CSMD1: variants seen among roughly 807,000 people sequenced by gnomAD.
The protein encoded by CSMD1 is CUB and Sushi multiple domains 1, also known as CUB and sushi domain-containing protein 1.
CSMD1 carries 213 observed loss-of-function variants against 417.5 expected under a neutral mutation model. That is an observed-to-expected ratio of 0.51 (90% CI 0.46 to 0.57). CSMD1 has a LOEUF of 0.57. CSMD1 is among the 20% of genes least tolerant of loss of function. The pLI, the probability that CSMD1 is intolerant of heterozygous loss-of-function variation, is 0.00. For synonymous variants in CSMD1, 2,862 were observed against 1,736.8 expected, an observed-to-expected ratio of 1.65 and a Z score of -16.11; for missense variants, 6,923 against 4,529.7, an observed-to-expected ratio of 1.53 and a Z score of -15.17.
intron 6 of CSMD1, among the ~76,000 whole-genome samples, chr8:3,732,246 G>T (rs972768554): frequency 6.6e-6 from 1 of 152,158 alleles, no homozygotes; most frequent in African/African-American, 2.4e-5. Context: ...CACCCTGCAG[G>T]GCAATTACTC....
At chr8:3,332,000 A>G (rs1208282207) in intron 23 of CSMD1, among the ~76,000 whole-genome samples, 1 of 152,234 alleles carries the variant, frequency 6.6e-6, no homozygotes, top group African/African-American at 2.4e-5. Context: ...CTCGTCAATC[A>G]GTAGATACAT....
At chr8:4,149,230 C>A (rs1002391237) in intron 3 of CSMD1, among the ~76,000 whole-genome samples, 3 of 152,128 alleles carry the variant, frequency 2.0e-5, no homozygotes, top group Non-Finnish European at 4.4e-5. Flanking sequence ...TCCCAAACTG[C>A]TGAGATAACA....
chr8:4,327,309 C>G (rs1875895), intron 3 of CSMD1, among the ~76,000 whole-genome samples: 3,418 of 152,214 alleles, frequency 0.022, 118 homozygotes, highest in African/African-American at 0.076. Flanking sequence ...TCTCTTCCTT[C>G]TTTTCAAGAG....
At chr8:3,307,386 A>G (rs1175110762) in intron 25 of CSMD1, among the ~76,000 whole-genome samples, 1 of 147,848 alleles carries the variant, frequency 6.8e-6, no homozygotes, top group African/African-American at 2.5e-5. Flanking sequence ...CGCAGATCAG[A>G]ACAGCCCAGG....
chr8:4,179,242 G>A (rs983134550), intron 3 of CSMD1, among the ~76,000 whole-genome samples: 4 of 152,026 alleles, frequency 2.6e-5, no homozygotes, highest in African/African-American at 7.3e-5. Context: ...ATAAATCAAT[G>A]GAACAGAACA....
intron 1 of CSMD1, among the ~76,000 whole-genome samples, chr8:4,790,432 T>C (rs557692094): frequency 6.6e-6 from 1 of 152,164 alleles, no homozygotes; most frequent in African/African-American, 2.4e-5. Flanking sequence ...TTCAAAACTA[T>C]TCCTTTCAAA....
At position 3,343,409 on chromosome 8, in the gene CSMD1, C is replaced by T. The variant is rs762988793; in HGVS notation, c.3516G>A (p.Thr1172=). The change falls in exon 23 of 70, where the codon ACG becomes ACA. Residue 1172 remains threonine (T), a synonymous_variant. Transcript: ENST00000635120. The stretch of plus-strand genomic sequence containing the variant: ...GCCCCAGAAGTTCATTTTTAGTGAA[C>T]GTGCCCAGTGGACGTGAGGAACTGT... ...GKDSSSRPLG[T]FTKNELLGLI... 5.0e-6 allele frequency: 8 copies of T among 1,613,768 alleles called. No individual in the cohort carries two copies. Among genetic ancestry groups the T allele is most frequent in the South Asian group, 2.2e-5 (2 of 91,078 alleles).
At chr8:4,859,629 C>T (rs1802010048) in intron 1 of CSMD1, among the ~76,000 whole-genome samples, 1 of 152,108 alleles carries the variant, frequency 6.6e-6, no homozygotes, top group African/African-American at 2.4e-5. Flanking sequence ...CAAAAGAAGA[C>T]GTTTATACAG....
intron 3 of CSMD1, among the ~76,000 whole-genome samples, chr8:4,063,615 T>A (rs13276030): frequency 0.15 from 22,938 of 152,174 alleles, 2,237 homozygotes; most frequent in East Asian, 0.35. Context: ...CGTTTCCAGT[T>A]CAGCGGCTTC....
intron 5 of CSMD1, among the ~76,000 whole-genome samples, chr8:3,931,581 G>A (rs1233038449): frequency 6.7e-6 from 1 of 149,982 alleles, no homozygotes; most frequent in Non-Finnish European, 1.5e-5. Flanking sequence ...AGCAGTCAGT[G>A]CCATGAATTG....
chr8:4,014,868 G>A (rs552860559), intron 4 of CSMD1, among the ~76,000 whole-genome samples: 1 of 152,092 alleles, frequency 6.6e-6, no homozygotes, highest in Non-Finnish European at 1.5e-5. Flanking sequence ...ATACTACAAA[G>A]TAACCCACAA....
chr8:3,430,706 C>A (rs537658588), intron 12 of CSMD1, among the ~76,000 whole-genome samples: 1 of 152,044 alleles, frequency 6.6e-6, no homozygotes, highest in Admixed American at 6.5e-5. Flanking sequence ...ACTCAGGAGG[C>A]TGAGGCAAGA....
chr8:4,157,332 G>A (rs1231768812), intron 3 of CSMD1, among the ~76,000 whole-genome samples: 4 of 152,200 alleles, frequency 2.6e-5, no homozygotes, highest in African/African-American at 4.8e-5. Flanking sequence ...GGTGGGCAGA[G>A]CCCAAGATAT....
intron 5 of CSMD1, among the ~76,000 whole-genome samples, chr8:3,821,129 G>T (rs60346878): frequency 6.6e-6 from 1 of 151,956 alleles, no homozygotes; most frequent in Non-Finnish European, 1.5e-5. Context: ...TGTAAGCCAG[G>T]CTGGTCTCGA....
intron 1 of CSMD1, among the ~76,000 whole-genome samples, chr8:4,762,684 C>A (rs1249374187): frequency 6.6e-6 from 1 of 152,086 alleles, no homozygotes; most frequent in Non-Finnish European, 1.5e-5. Flanking sequence ...TCAATAAGGT[C>A]ATTATTCAGG....
intron 5 of CSMD1, among the ~76,000 whole-genome samples, chr8:3,836,958 A>C (rs751610490): frequency 6.6e-6 from 1 of 152,054 alleles, no homozygotes; most frequent in Non-Finnish European, 1.5e-5. Flanking sequence ...AAAAATAAAA[A>C]GTTTTATAAA....
At chr8:4,030,860 C>A (rs1797306952) in intron 4 of CSMD1, among the ~76,000 whole-genome samples, 1 of 152,184 alleles carries the variant, frequency 6.6e-6, no homozygotes, top group Admixed American at 6.5e-5. Flanking sequence ...GAAATTTATT[C>A]CTCCAGATAC....
chr8:4,305,969 C>T (rs760332210), intron 3 of CSMD1, among the ~76,000 whole-genome samples: 1 of 152,126 alleles, frequency 6.6e-6, no homozygotes, highest in East Asian at 1.9e-4. Context: ...CATACTGATA[C>T]ATAGTGTGCC....
intron 3 of CSMD1, among the ~76,000 whole-genome samples, chr8:4,253,138 T>C (rs192873538): frequency 3.2e-4 from 48 of 152,320 alleles, no homozygotes; most frequent in African/African-American, 1.1e-3. Context: ...TGAATGAGTA[T>C]TTTCTAAAAC....
Sources: gnomAD v4.1 joint callset for allele counts (sites outside exome capture counted in the v4.1 genomes callset) on GRCh38, gnomAD v4.1.1 for gene constraint, MANE v1.5 for transcripts, NCBI Gene and HGNC (gene_info 2026-07-23, HGNC 2026-07-21) for gene names.